Variants in MKLN1 observed in about 807,000 individuals in gnomAD.
The protein encoded by MKLN1 is muskelin.
In MKLN1, 18 loss-of-function variants were observed where a neutral mutation model predicts 99.0. The ratio of observed to expected loss-of-function variants is 0.18; its 90% CI spans 0.13 to 0.27. The LOEUF is 0.27. Ranked by LOEUF, MKLN1 falls within the 10% of genes least tolerant of loss-of-function variation. MKLN1 has a pLI of 1.00. For missense variants in MKLN1, 621 were observed against 875.9 expected (o/e 0.71, Z 3.67); for synonymous variants, 288 against 293.2 (o/e 0.98, Z 0.18).
chr7:131,239,025 G>A (rs1287222054), intron 3 of MKLN1, among the ~76,000 whole-genome samples: 2 of 152,120 alleles, frequency 1.3e-5, no homozygotes, highest in African/African-American at 4.8e-5. Context: ...AGAAGAACCA[G>A]GTTTTGACGT....
intron 3 of MKLN1, among the ~76,000 whole-genome samples, chr7:131,278,609 C>G (rs1272627853): frequency 2.0e-5 from 3 of 151,754 alleles, no homozygotes; most frequent in Non-Finnish European, 4.4e-5. Context: ...TATTGAATGT[C>G]TACTATGAAC....
rs745531769 is a variant in MKLN1, at chr7:131,414,637, T to A, written c.782-8T>A. The A allele has an allele frequency of 6.3e-7, 1 of 1,591,830 alleles. No homozygotes were observed. Among genetic ancestry groups the A allele is most frequent in the Non-Finnish European group, 8.6e-7 (1 of 1,163,790 alleles). On this transcript the variant is annotated splice_polypyrimidine_tract_variant and splice_region_variant and intron_variant, in intron 7 of 17. Coordinates refer to ENST00000352689, the MANE Select transcript of MKLN1 (RefSeq NM_013255.5). ...TTCCTTTAAAAGAAACTATTATTTC[T>A]TCTAAAGGTGATGGGGAAGATAACC...
At chr7:131,225,428 T>C (rs575019095) in intron 3 of MKLN1, among the ~76,000 whole-genome samples, 1 of 152,214 alleles carries the variant, frequency 6.6e-6, no homozygotes, top group East Asian at 1.9e-4. Flanking sequence ...TACATGAAAT[T>C]TGGGGAGAGA....
At chr7:131,302,356 C>A (rs920747687) in intron 3 of MKLN1, among the ~76,000 whole-genome samples, 1 of 152,110 alleles carries the variant, frequency 6.6e-6, no homozygotes, top group Non-Finnish European at 1.5e-5. Flanking sequence ...GAACTACTTC[C>A]GTCTCCTTCA....
chr7:131,304,524 G>A (rs962142851), intron 3 of MKLN1, among the ~76,000 whole-genome samples: 1 of 152,184 alleles, frequency 6.6e-6, no homozygotes, highest in Admixed American at 6.5e-5. Context: ...TTCATCTGTT[G>A]CATAATAATA....
chr7:131,165,926 G>C (rs1341549479), intron 2 of MKLN1, among the ~76,000 whole-genome samples: 1 of 152,100 alleles, frequency 6.6e-6, no homozygotes, highest in Non-Finnish European at 1.5e-5. Context: ...ACTAGCCGGG[G>C]CAACATGGCG....
chr7:131,302,859 A>G (rs1219084761), intron 3 of MKLN1, among the ~76,000 whole-genome samples: 2 of 152,190 alleles, frequency 1.3e-5, no homozygotes, highest in Admixed American at 6.5e-5. Flanking sequence ...CACTGGGTGG[A>G]TGAGGAAATT....
chr7:131,435,013 A>G (rs1795636056), intron 9 of MKLN1, among the ~76,000 whole-genome samples: 1 of 152,164 alleles, frequency 6.6e-6, no homozygotes, highest in Non-Finnish European at 1.5e-5. Flanking sequence ...AATTTCGTAC[A>G]TGTTATCAGA....
intron 9 of MKLN1, among the ~76,000 whole-genome samples, chr7:131,433,069 T>C (rs1012011297): frequency 6.6e-6 from 1 of 152,234 alleles, no homozygotes; most frequent in Non-Finnish European, 1.5e-5. Flanking sequence ...ATGTTTTTTA[T>C]AGGCATCCCT....
chr7:131,433,969 C>G (rs775344025), intron 9 of MKLN1, among the ~76,000 whole-genome samples: 2 of 150,912 alleles, frequency 1.3e-5, no homozygotes, highest in Non-Finnish European at 2.9e-5. Flanking sequence ...CTGCAACCCC[C>G]TTCTCCCAGG....
At chr7:131,463,196 A>AT (rs533293897) in intron 12 of MKLN1, 21 bp from the exon 13 acceptor site, 1 of 1,573,882 alleles carries the variant, frequency 6.4e-7, no homozygotes, top group South Asian at 1.1e-5. Flanking sequence ...TTTTCATCTT[A>AT]TTTTTTTCTT....
chr7:131,139,400 C>G (rs1795698678), intron 1 of MKLN1, among the ~76,000 whole-genome samples: 1 of 152,090 alleles, frequency 6.6e-6, no homozygotes, highest in African/African-American at 2.4e-5. Context: ...CTTGACTCAC[C>G]TTCGCTCCCC....
chr7:131,487,465 T>A lies in MKLN1; in HGVS notation c.2087-142T>A. 1 of 803,920 alleles carries A rather than the reference T, an allele frequency of 1.2e-6. No individual in the cohort carries two copies. The highest frequency in any genetic ancestry group is 1.9e-6 in the Non-Finnish European group (1 of 532,276). The allele number at this position is 803,920 out of a possible 1,614,324, so 49.8% of individuals were successfully genotyped here. ...TCACACCACAGCCAGGTAGTAGAAC[T>A]GGGGTCAGATCAGTAGTGTCTGCCT... On this transcript the variant is annotated intron_variant, in intron 17 of 17. Coordinates refer to ENST00000352689, the MANE Select transcript of MKLN1 (RefSeq NM_013255.5). This position sits in a 1 kb window ranked among gnomAD's most constrained non-coding sequence, Gnocchi z 4.7.
chr7:131,435,417 A>C lies in MKLN1; in HGVS notation c.961-2368A>C, dbSNP rs144828954. Reference sequence around the variant, plus strand: ...TTTCAGTGTTATGTTGGCCTCATAAAATAAGCTAGGAATGGAAGAGAATGT... The same window carrying C: ...TTTCAGTGTTATGTTGGCCTCATAACATAAGCTAGGAATGGAAGAGAATGT... On this transcript the variant is annotated intron_variant, in intron 9 of 17. Transcript: ENST00000352689. 5.1e-3 allele frequency among the ~76,000 whole-genome samples: 770 copies of C among 152,284 alleles called. 1 individual carries two copies. Among genetic ancestry groups the C allele is most frequent in the Admixed American group, 7.4e-3 (113 of 15,300 alleles).
At chr7:131,199,684 C>T (rs1796697707) in intron 2 of MKLN1, among the ~76,000 whole-genome samples, 1 of 152,166 alleles carries the variant, frequency 6.6e-6, no homozygotes, top group Non-Finnish European at 1.5e-5. Context: ...GAAATATTTT[C>T]CTGAGTCTTT....
At chr7:131,266,535 G>C (rs573619560) in intron 3 of MKLN1, among the ~76,000 whole-genome samples, 1 of 152,242 alleles carries the variant, frequency 6.6e-6, no homozygotes, top group South Asian at 2.1e-4. Context: ...CAACGAATCT[G>C]ATCACTGAGA....
At chr7:131,480,809 T>C (rs1340887052) in intron 17 of MKLN1, among the ~76,000 whole-genome samples, 1 of 152,228 alleles carries the variant, frequency 6.6e-6, no homozygotes. Flanking sequence ...ATTATGTGCC[T>C]TATGTCTGAT....
At chr7:131,222,372 C>T (rs1797071120) in intron 3 of MKLN1, among the ~76,000 whole-genome samples, 2 of 152,190 alleles carry the variant, frequency 1.3e-5, no homozygotes, top group Non-Finnish European at 1.5e-5. Context: ...GCTGTGTCCC[C>T]ACGTGGTGGA....
chr7:131,338,635 C>T (rs1799317874), intron 1 of MKLN1, among the ~76,000 whole-genome samples: 1 of 152,074 alleles, frequency 6.6e-6, no homozygotes, highest in East Asian at 1.9e-4. Context: ...GTGTTTAGTT[C>T]TTTTGGAATA....
Sources: gnomAD v4.1 joint callset for allele counts (sites outside exome capture counted in the v4.1 genomes callset) on GRCh38, gnomAD v4.1.1 for gene constraint, Gnocchi (gnomAD v3.1) non-coding constraint, MANE v1.5 for transcripts, NCBI Gene and HGNC (gene_info 2026-07-23, HGNC 2026-07-21) for gene names.